HTRA1: variants seen among roughly 807,000 people sequenced by gnomAD.
The protein encoded by HTRA1 is serine protease HTRA1.
Under a neutral mutation model 49.7 loss-of-function variants are expected in HTRA1, and 26 were observed. The ratio of observed to expected loss-of-function variants is 0.52; its 90% CI spans 0.38 to 0.73. The LOEUF is 0.73. Ranked by LOEUF, HTRA1 falls within the 30% of genes least tolerant of loss-of-function variation. The pLI, the probability that HTRA1 is intolerant of heterozygous loss-of-function variation, is 0.00. For synonymous variants in HTRA1, 291 were observed against 286.9 expected (o/e 1.01, Z -0.14); for missense variants, 561 against 667.2 (o/e 0.84, Z 1.75).
intron 3 of HTRA1, among the ~76,000 whole-genome samples, chr10:122,500,814 C>A (rs1390552697): frequency 3.9e-5 from 6 of 152,134 alleles, no homozygotes; most frequent in Non-Finnish European, 8.8e-5. Flanking sequence ...GGAACTCACA[C>A]CACACATAGT....
intron 1 of HTRA1, among the ~76,000 whole-genome samples, chr10:122,480,593 G>A (rs1342241587): frequency 2.0e-5 from 3 of 152,160 alleles, no homozygotes; most frequent in Non-Finnish European, 2.9e-5. Flanking sequence ...TTGTCTGGCC[G>A]AGGCAGCATG....
intron 1 of HTRA1, among the ~76,000 whole-genome samples, chr10:122,477,023 A>G (rs1298095913): frequency 7.2e-6 from 1 of 139,754 alleles, no homozygotes; most frequent in Admixed American, 7.9e-5. Flanking sequence ...GCTGGAGTGC[A>G]CTGGCGCAAT....
At position 122,464,325 on chromosome 10, in the gene HTRA1, G is replaced by A. The variant is rs937921530; in HGVS notation, c.472+2201G>A. On this transcript the variant is annotated intron_variant, in intron 1 of 8. Transcript: ENST00000368984. The surrounding 1 kb of genome is among the most constrained non-coding windows in gnomAD (Gnocchi z 4.8). ...GAAAACAGGTCCCCCATTGGCCATC[G>A]GGCTCACAGCGGGCCCCCGGTGTAC... Among the ~76,000 whole-genome samples, 5 of 152,112 alleles carry A rather than the reference G, an allele frequency of 3.3e-5. No individual in the cohort carries two copies. The highest frequency in any genetic ancestry group is 2.0e-4 in the Admixed American group (3 of 15,252).
intron 8 of HTRA1, 30 bp downstream of exon 8, chr10:122,512,095 A>C (rs777346633): frequency 2.0e-6 from 3 of 1,477,774 alleles, no homozygotes; most frequent in Non-Finnish European, 2.8e-6. Context: ...TCTTTTCCCA[A>C]TATTCTTGTT....
At chr10:122,469,255 G>A (rs1050317719) in intron 1 of HTRA1, among the ~76,000 whole-genome samples, 5 of 152,064 alleles carry the variant, frequency 3.3e-5, no homozygotes, top group African/African-American at 4.8e-5. Flanking sequence ...GAGATTCGCC[G>A]TAGAATTCCT....
chr10:122,471,206 T>C (rs2097485986), intron 1 of HTRA1, among the ~76,000 whole-genome samples: 1 of 152,082 alleles, frequency 6.6e-6, no homozygotes, highest in South Asian at 2.1e-4. Flanking sequence ...CATTTGTGGC[T>C]CTGAAAAATA....
intron 8 of HTRA1, 115 bp downstream of exon 8, chr10:122,512,180 C>G: frequency 1.2e-6 from 1 of 844,676 alleles, no homozygotes; most frequent in Non-Finnish European, 2.0e-6. Context: ...TGATCCTTGA[C>G]AGACGTGGTC....
chr10:122,507,237 A>C, intron 4 of HTRA1, 133 bp from the exon 5 acceptor site: 1 of 784,112 alleles, frequency 1.3e-6, no homozygotes, highest in Non-Finnish European at 2.3e-6. Context: ...ATATTAGGTT[A>C]ATGGGAATGA....
rs1341604522 is a variant in HTRA1, at chr10:122,464,322, A to G, written c.472+2198A>G. Among the ~76,000 whole-genome samples the G allele has an allele frequency of 2.6e-5, 4 of 152,168 alleles. No homozygotes were observed. The highest frequency in any genetic ancestry group is 3.9e-4 in the East Asian group (2 of 5,184). On this transcript the variant is annotated intron_variant, in intron 1 of 8. Transcript: ENST00000368984. This position sits in a 1 kb window ranked among gnomAD's most constrained non-coding sequence, Gnocchi z 4.8. ...GAGGAAAACAGGTCCCCCATTGGCC[A>G]TCGGGCTCACAGCGGGCCCCCGGTG...
At chr10:122,484,500 C>A (rs2097492295) in intron 1 of HTRA1, among the ~76,000 whole-genome samples, 2 of 152,310 alleles carry the variant, frequency 1.3e-5, no homozygotes, top group Middle Eastern at 3.4e-3. Context: ...CAGACACCTC[C>A]CTTTACCTCT....
chr10:122,488,191 G>A (rs1320294317), intron 1 of HTRA1, among the ~76,000 whole-genome samples: 5 of 152,144 alleles, frequency 3.3e-5, no homozygotes, highest in African/African-American at 9.7e-5. Flanking sequence ...TTGCTCCTGC[G>A]GTGTTTCTCA....
At chr10:122,478,445 T>C (rs557991204) in intron 1 of HTRA1, among the ~76,000 whole-genome samples, 1 of 142,096 alleles carries the variant, frequency 7.0e-6, no homozygotes, top group Non-Finnish European at 1.5e-5. Flanking sequence ...CAGGCTGGAG[T>C]GCAGTGGTGC....
chr10:122,480,663 GC>G (rs2097490605), intron 1 of HTRA1, among the ~76,000 whole-genome samples: 1 of 152,302 alleles, frequency 6.6e-6, no homozygotes, highest in Admixed American at 6.5e-5. Flanking sequence ...CATGCTGGGA[GC>G]CAGCCCTGTG....
chr10:122,493,516 G>C (rs1388552055), intron 3 of HTRA1, among the ~76,000 whole-genome samples: 2 of 151,932 alleles, frequency 1.3e-5, no homozygotes, highest in Non-Finnish European at 2.9e-5. Flanking sequence ...TTTTTTTCCT[G>C]AGCAGTTTGG....
intron 7 of HTRA1, 73 bp downstream of exon 7, chr10:122,510,226 C>CT: frequency 2.4e-6 from 3 of 1,257,470 alleles, no homozygotes; most frequent in Non-Finnish European, 3.5e-6. Context: ...TCACGGGCAC[C>CT]CCTGAAAGAG....
rs372750076 is a variant in HTRA1 at position 122,512,065 on chromosome 10, C to T, written c.1274C>T (p.Ala425Val). 3.3e-5 allele frequency: 53 copies of T among 1,594,342 alleles called. No individual in the cohort carries two copies. The highest frequency in any genetic ancestry group is 3.9e-5 in the Non-Finnish European group (45 of 1,162,162). Residue 425 changes from alanine to valine, a missense_variant and splice_region_variant, in exon 8 of 9, where the codon GCT becomes GTT. Physicochemically the swap from Ala to Val is moderately conservative, Grantham distance 64 (BLOSUM62 0). Coordinates refer to ENST00000368984, the MANE Select transcript of HTRA1 (RefSeq NM_002775.5). The stretch of plus-strand genomic sequence containing the variant: ...GTAATTCCTGATACCCCAGCAGAAG[C>T]GTGAGTTGGAGTCGTTTTCTCTTTT... ...IEVIPDTPAE[A>V]GGLKENDVII...
At chr10:122,473,736 A>G (rs964161627) in intron 1 of HTRA1, among the ~76,000 whole-genome samples, 3 of 152,036 alleles carry the variant, frequency 2.0e-5, no homozygotes, top group African/African-American at 7.2e-5. Flanking sequence ...TAGCCACCCC[A>G]TACTTCTCCT....
At chr10:122,482,407 C>T (rs183669476) in intron 1 of HTRA1, among the ~76,000 whole-genome samples, 164 of 152,218 alleles carry the variant, frequency 1.1e-3, no homozygotes, top group Admixed American at 3.7e-3. Flanking sequence ...AGCTAGTTTA[C>T]AAGGTGTCTA....
At chr10:122,508,324 A>G (rs1300564273) in intron 5 of HTRA1, among the ~76,000 whole-genome samples, 6 of 152,226 alleles carry the variant, frequency 3.9e-5, no homozygotes, top group Non-Finnish European at 5.9e-5. Flanking sequence ...AGGTGTGGGC[A>G]GCCACCTAAA....
Sources: allele counts gnomAD v4.1 joint callset (sites outside exome capture counted in the v4.1 genomes callset), GRCh38; gene constraint gnomAD v4.1.1; non-coding constraint Gnocchi (gnomAD v3.1); transcripts MANE v1.5; gene names NCBI Gene and HGNC (gene_info 2026-07-23, HGNC 2026-07-21).